The following PCDHA5 variants were observed in gnomAD, a reference collection of about 807,000 sequenced individuals.
The protein encoded by PCDHA5 is protocadherin alpha-5.
In PCDHA5, 43 loss-of-function variants were observed where a neutral mutation model predicts 61.6. That is an observed-to-expected ratio of 0.70 (90% CI 0.55 to 0.90). The LOEUF (loss-of-function observed/expected upper bound fraction) is 0.90, where lower values mean the gene tolerates loss of function less well. PCDHA5 is among the 40% of genes least tolerant of loss of function. The pLI, the probability that PCDHA5 is intolerant of heterozygous loss-of-function variation, is 0.00. For missense variants in PCDHA5, 1,298 were observed against 1,222.7 expected (o/e 1.06, Z -0.92); for synonymous variants, 627 against 543.9 (o/e 1.15, Z -2.13).
At chr5:140,917,325 G>A (rs2078036694) in intron 1 of PCDHA5, among the ~76,000 whole-genome samples, 2 of 131,364 alleles carry the variant, frequency 1.5e-5, no homozygotes, top group East Asian at 2.1e-4. Context: ...TTCATGTGGC[G>A]GGGGAGGGGG....
intron 3 of PCDHA5, among the ~76,000 whole-genome samples, chr5:140,997,728 A>G (rs1376007377): frequency 6.6e-6 from 1 of 152,030 alleles, no homozygotes; most frequent in Non-Finnish European, 1.5e-5. Flanking sequence ...ACGTCAGTAC[A>G]TATAGATTTG....
chr5:140,858,426 A>T, intron 1 of PCDHA5: 9 of 1,551,394 alleles, frequency 5.8e-6, no homozygotes, highest in Non-Finnish European at 7.9e-6. Flanking sequence ...GGAGGGGACC[A>T]CTCTAGGAAG....
chr5:140,924,527 G>T (rs2081885403), intron 1 of PCDHA5, among the ~76,000 whole-genome samples: 1 of 152,074 alleles, frequency 6.6e-6, no homozygotes. Context: ...AAAAGAGAAT[G>T]CCCGAGCTAC....
chr5:140,939,379 A>C (rs1554212694), intron 1 of PCDHA5, among the ~76,000 whole-genome samples: 1 of 152,170 alleles, frequency 6.6e-6, no homozygotes, highest in Non-Finnish European at 1.5e-5. Flanking sequence ...GAACACAAAC[A>C]TTCAGATCAT....
chr5:140,967,029 G>A, intron 1 of PCDHA5: 1 of 1,609,056 alleles, frequency 6.2e-7, no homozygotes, highest in Non-Finnish European at 8.5e-7. Flanking sequence ...CCCAGTCCGC[G>A]CTACCTGGAG....
At chr5:140,977,104 A>C (rs2096746104) in intron 1 of PCDHA5, among the ~76,000 whole-genome samples, 1 of 152,242 alleles carries the variant, frequency 6.6e-6, no homozygotes, top group Admixed American at 6.5e-5. Flanking sequence ...TGGGGAAGTG[A>C]GATTGTATAA....
intron 1 of PCDHA5, among the ~76,000 whole-genome samples, chr5:140,926,001 C>A (rs782316154): frequency 3.3e-5 from 5 of 152,302 alleles, no homozygotes; most frequent in Middle Eastern, 3.4e-3. Flanking sequence ...TCCGCTGCCT[C>A]GAAAAGCCAG....
intron 3 of PCDHA5, among the ~76,000 whole-genome samples, chr5:141,003,593 G>A (rs1291518572): frequency 6.6e-6 from 1 of 152,140 alleles, no homozygotes; most frequent in African/African-American, 2.4e-5. Flanking sequence ...GATTTTAGAT[G>A]TGAGCCACCA....
chr5:140,922,876 A>G (rs782530609), intron 1 of PCDHA5, among the ~76,000 whole-genome samples: 10 of 152,234 alleles, frequency 6.6e-5, no homozygotes, highest in Non-Finnish European at 1.3e-4. Flanking sequence ...GAAAAAATCC[A>G]AAGACATCAT....
At chr5:140,863,723 G>A (rs1013591731) in intron 1 of PCDHA5, 3 of 271,432 alleles carry the variant, frequency 1.1e-5, no homozygotes, top group African/African-American at 4.4e-5. Context: ...GGCCGGGTGC[G>A]GTAGCTCATG....
intron 1 of PCDHA5, chr5:140,930,511 C>G (rs2086907383): frequency 6.6e-6 from 1 of 152,616 alleles, no homozygotes; most frequent in African/African-American, 2.4e-5. Context: ...GCATGAGCCA[C>G]TGCAGCTGGC....
chr5:140,836,895 A>G (rs1339036250), intron 1 of PCDHA5: 1 of 615,448 alleles, frequency 1.6e-6, no homozygotes, highest in African/African-American at 1.9e-5. Context: ...ATTTGGAAGT[A>G]CGTTTAATAT....
chr5:140,829,124 G>A, intron 1 of PCDHA5: 1 of 1,612,404 alleles, frequency 6.2e-7, no homozygotes, highest in Non-Finnish European at 8.5e-7. Context: ...GGATAAAAAT[G>A]ATAACGTCCC....
At chr5:140,887,612 G>A (rs2061514716) in intron 1 of PCDHA5, among the ~76,000 whole-genome samples, 1 of 151,760 alleles carries the variant, frequency 6.6e-6, no homozygotes, top group East Asian at 1.9e-4. Flanking sequence ...GCTTTAGTAT[G>A]GTTTTCTTTA....
chr5:140,881,459 A>G (rs1172310253), intron 1 of PCDHA5: 2 of 672,234 alleles, frequency 3.0e-6, no homozygotes, highest in Non-Finnish European at 3.7e-6. Flanking sequence ...AAAACCTTAG[A>G]GCATTGTTGT....
In PCDHA5 at chr5:140,823,528, G is replaced by T; in HGVS notation, c.1753G>T (p.Gly585Cys). The change falls in exon 1 of 4, where the codon GGT becomes TGT. Residue 585 changes from glycine to cysteine, a missense_variant. Coordinates refer to ENST00000529859, the MANE Select transcript of PCDHA5 (RefSeq NM_018908.3). ...AVSELVPRSV[G>C]AGHVVAKVRA... ...GAGCGAGCTGGTGCCGAGGTCAGTGGGTGCGGGCCACGTGGTGGCGAAGGT... is the reference window on the plus strand; with the variant it reads ...GAGCGAGCTGGTGCCGAGGTCAGTGTGTGCGGGCCACGTGGTGGCGAAGGT... The T allele has an allele frequency of 6.2e-7, 1 of 1,613,758 alleles. No homozygotes were observed.
At chr5:140,927,891 GA>G (rs1554205193) in intron 1 of PCDHA5, 1 of 1,614,192 alleles carries the variant, frequency 6.2e-7, no homozygotes, top group Admixed American at 1.7e-5. Context: ...TGACTGACGT[GA>G]ACGATCATGC....
intron 1 of PCDHA5, among the ~76,000 whole-genome samples, chr5:140,838,712 G>A (rs2150291764): frequency 1.3e-5 from 2 of 152,012 alleles, no homozygotes; most frequent in Non-Finnish European, 2.9e-5. Flanking sequence ...GAGGCAGGAG[G>A]ATTGCTTCAG....
At chr5:140,886,403 AT>A (rs1196342524) in intron 1 of PCDHA5, among the ~76,000 whole-genome samples, 19 of 152,184 alleles carry the variant, frequency 1.2e-4, no homozygotes, top group African/African-American at 4.6e-4. Context: ...CATCACAAAT[AT>A]GTTTTCCTCC....
Sources: gnomAD v4.1 joint callset for allele counts (sites outside exome capture counted in the v4.1 genomes callset) on GRCh38, gnomAD v4.1.1 for gene constraint, MANE v1.5 for transcripts, NCBI Gene and HGNC (gene_info 2026-07-23, HGNC 2026-07-21) for gene names.